Variants in ABR observed in about 807,000 individuals in gnomAD.
The protein encoded by ABR is ABR activator of RhoGEF and GTPase.
ABR carries 35 observed loss-of-function variants against 107.2 expected under a neutral mutation model. The observed-to-expected ratio is 0.33, with a 90% CI of 0.25 to 0.43. ABR has a LOEUF of 0.43. Among genes scored for constraint, ABR ranks in the 20% least tolerant of loss-of-function variants. The probability of loss-of-function intolerance (pLI) is 1.00; values close to 1 mark genes in which losing one functional copy is unlikely to be tolerated. For synonymous variants in ABR, 498 were observed against 462.0 expected, an observed-to-expected ratio of 1.08 and a Z score of -1.00; for missense variants, 815 against 1,115.2, an observed-to-expected ratio of 0.73 and a Z score of 3.83.
chr17:1,174,523 T>C (rs1225831487), intron 1 of ABR, among the ~76,000 whole-genome samples: 1 of 152,210 alleles, frequency 6.6e-6, no homozygotes, highest in Non-Finnish European at 1.5e-5. Flanking sequence ...ACATCTCCAC[T>C]GCTCCAAATA....
At chr17:1,056,231 C>G in intron 13 of ABR, 122 bp from the exon 14 acceptor site, 1 of 852,696 alleles carries the variant, frequency 1.2e-6, no homozygotes, top group Non-Finnish European at 1.9e-6. Flanking sequence ...AACATCACCA[C>G]CTGGTGGCCA....
intron 2 of ABR, among the ~76,000 whole-genome samples, chr17:1,124,500 A>G (rs540505416): frequency 7.3e-4 from 111 of 152,330 alleles, no homozygotes; most frequent in Non-Finnish European, 1.2e-3. Flanking sequence ...TCCGACAGGC[A>G]CACACGAGCT....
At chr17:1,199,940 A>G (rs1424549614) in intron 1 of ABR, among the ~76,000 whole-genome samples, 1 of 144,744 alleles carries the variant, frequency 6.9e-6, no homozygotes, top group Admixed American at 7.0e-5. Context: ...TTTTTTTATT[A>G]TACTTTAAAT....
chr17:1,145,172 C>A (rs1024138946), intron 1 of ABR, among the ~76,000 whole-genome samples: 1 of 152,132 alleles, frequency 6.6e-6, no homozygotes, highest in African/African-American at 2.4e-5. Flanking sequence ...TTTGTGGCGC[C>A]CAGGACAGGA....
At chr17:1,100,816 TCCC>T (rs1004436451) in intron 2 of ABR, 81 bp from the exon 3 acceptor site, 5 of 1,316,442 alleles carry the variant, frequency 3.8e-6, no homozygotes, top group Middle Eastern at 1.9e-4. Flanking sequence ...TCCCTGCCCT[TCCC>T]CCCCGACCTT....
chr17:1,206,020 G>A (rs1194632623), intron 1 of ABR, among the ~76,000 whole-genome samples: 1 of 152,052 alleles, frequency 6.6e-6, no homozygotes, highest in Non-Finnish European at 1.5e-5. Context: ...GGAGGCTGAG[G>A]CAGGAGAATT....
intron 3 of ABR, among the ~76,000 whole-genome samples, chr17:1,100,283 TGCCCA>T (rs2037776793): frequency 1.3e-5 from 2 of 152,210 alleles, no homozygotes; most frequent in African/African-American, 4.8e-5. Context: ...TGGGAATGAC[TGCCCA>T]GAGCACAGCG....
chr17:1,004,163 G>A lies in ABR; in HGVS notation c.*1917C>T, dbSNP rs1043090158. ...GCAGGAGCCTTCTGTGCCACACACC[G>A]ACACTCGGATGCCAGGCAGGGACCT... On this transcript the variant is annotated 3_prime_UTR_variant, in exon 23 of 23. Coordinates refer to ENST00000302538, the MANE Select transcript of ABR (RefSeq NM_021962.5). 1 of 152,180 alleles carries A rather than the reference G, an allele frequency of 6.6e-6. No homozygotes were observed. Among genetic ancestry groups the A allele is most frequent in the Non-Finnish European group, 1.5e-5 (1 of 68,046 alleles). 9.4% of individuals were successfully genotyped at this position (152,180 alleles called of 1,614,324 possible).
At chr17:1,030,190 C>A (rs997684495) in intron 16 of ABR, among the ~76,000 whole-genome samples, 5 of 152,234 alleles carry the variant, frequency 3.3e-5, no homozygotes, top group Admixed American at 3.3e-4. Context: ...CTGCCGGCCA[C>A]AAATGCATAG....
chr17:1,214,811 A>ATAT (rs2042968317), intron 1 of ABR, among the ~76,000 whole-genome samples: 1 of 150,734 alleles, frequency 6.6e-6, no homozygotes, highest in South Asian at 2.1e-4. Context: ...CAAAGAAAAA[A>ATAT]ATATATATAT....
At chr17:1,018,106 G>A (rs569168492) in intron 16 of ABR, among the ~76,000 whole-genome samples, 8 of 151,462 alleles carry the variant, frequency 5.3e-5, no homozygotes, top group Admixed American at 1.3e-4. Flanking sequence ...GCTGTGGCGC[G>A]ATCCTGGCTC....
chr17:1,142,827 G>C (rs1017799745), intron 1 of ABR, among the ~76,000 whole-genome samples: 3 of 152,114 alleles, frequency 2.0e-5, no homozygotes, highest in Admixed American at 6.5e-5. Flanking sequence ...CAGGACCCTC[G>C]GCCTGGCCTG....
intron 1 of ABR, among the ~76,000 whole-genome samples, chr17:1,206,051 G>A (rs1049775561): frequency 7.2e-5 from 11 of 152,198 alleles, no homozygotes; most frequent in South Asian, 4.1e-4. Flanking sequence ...AGGAGGTGGC[G>A]GTTGCAGTGA....
chr17:1,060,716 A>G (rs1288225441), intron 10 of ABR, among the ~76,000 whole-genome samples: 1 of 151,842 alleles, frequency 6.6e-6, no homozygotes, highest in Non-Finnish European at 1.5e-5. Flanking sequence ...AACAAGGCTG[A>G]GCACGGTGGC....
At chr17:1,155,554 G>A (rs1224506018) in intron 1 of ABR, among the ~76,000 whole-genome samples, 3 of 152,116 alleles carry the variant, frequency 2.0e-5, no homozygotes, top group African/African-American at 7.2e-5. Flanking sequence ...GGAACCGCAC[G>A]TCATCAATGA....
At chr17:1,057,755 C>T (rs2033502693) in intron 12 of ABR, 1 of 526,126 alleles carries the variant, frequency 1.9e-6, no homozygotes, top group Non-Finnish European at 3.4e-6. Flanking sequence ...GGCTCTGGGT[C>T]CAGTCCCAGG....
intron 1 of ABR, among the ~76,000 whole-genome samples, chr17:1,143,560 T>C (rs2151504201): frequency 6.7e-6 from 1 of 149,948 alleles, no homozygotes; most frequent in African/African-American, 2.5e-5. Context: ...GGACAGCTGC[T>C]GTTGCAGGAG....
chr17:1,102,956 C>T (rs1325689146), intron 2 of ABR, among the ~76,000 whole-genome samples: 3 of 152,034 alleles, frequency 2.0e-5, no homozygotes, highest in African/African-American at 4.8e-5. Context: ...GTGATGCGCC[C>T]GCCTCGGCCT....
chr17:1,112,251 C>T (rs922654592), intron 2 of ABR, among the ~76,000 whole-genome samples: 22 of 152,222 alleles, frequency 1.4e-4, no homozygotes, highest in African/African-American at 4.6e-4. Context: ...GCTCTCGATC[C>T]GTCTGGGGTG....
Sources: allele counts gnomAD v4.1 joint callset (sites outside exome capture counted in the v4.1 genomes callset), GRCh38; gene constraint gnomAD v4.1.1; transcripts MANE v1.5; gene names NCBI Gene and HGNC (gene_info 2026-07-23, HGNC 2026-07-21).